Variants in TCF12 observed in about 807,000 individuals in gnomAD.
TCF12 encodes the protein transcription factor 12.
In TCF12, 45 loss-of-function variants were observed where a neutral mutation model predicts 86.0. That is an observed-to-expected ratio of 0.52 (90% confidence interval 0.41 to 0.67). TCF12 has a LOEUF of 0.67. TCF12 is among the 30% of genes least tolerant of loss of function. The pLI, the probability that TCF12 is intolerant of heterozygous loss-of-function variation, is 0.00. For missense variants in TCF12, 881 were observed against 859.9 expected (o/e 1.02, Z -0.31); for synonymous variants, 330 against 299.6 (o/e 1.10, Z -1.05).
intron 3 of TCF12, among the ~76,000 whole-genome samples, chr15:57,014,341 T>C (rs1204325218): frequency 3.9e-5 from 6 of 152,204 alleles, no homozygotes; most frequent in African/African-American, 1.4e-4. Flanking sequence ...TTAGTCAGGA[T>C]ATTTAGTGGG....
chr15:57,275,425 G>A (rs565498811), intron 19 of TCF12, among the ~76,000 whole-genome samples: 57 of 139,770 alleles, frequency 4.1e-4, no homozygotes, highest in Admixed American at 1.2e-3. Flanking sequence ...GGCCTCAAGC[G>A]TCTATAGGCC....
intron 5 of TCF12, among the ~76,000 whole-genome samples, chr15:57,165,624 C>T (rs2054834987): frequency 6.6e-6 from 1 of 151,894 alleles, no homozygotes; most frequent in South Asian, 2.1e-4. Context: ...GCAACCTCCG[C>T]CTCCTGGGTT....
intron 5 of TCF12, among the ~76,000 whole-genome samples, chr15:57,147,457 C>CTT (rs1688337880): frequency 6.6e-6 from 1 of 152,064 alleles, no homozygotes; most frequent in African/African-American, 2.4e-5. Flanking sequence ...TGCTTATCTG[C>CTT]TATAATCTTT....
intron 3 of TCF12, among the ~76,000 whole-genome samples, chr15:57,016,749 C>T (rs1342390978): frequency 2.4e-4 from 36 of 152,020 alleles, no homozygotes. Context: ...TTGTTTTGGA[C>T]TGTCCTTTCA....
rs11853810 is a variant in TCF12, at chr15:57,253,094, A to G, written c.1261-168A>G. On this transcript the variant is annotated intron_variant, in intron 15 of 20. Transcript: ENST00000333725. ...AAAATTTAGCATAATCTACATACAT[A>G]CAGCCTTTTTTTGTTGTTGATTTAT... Among the ~76,000 whole-genome samples the G allele has an allele frequency of 0.28, 42,409 of 151,960 alleles. 7,447 individuals are homozygous for G. Among genetic ancestry groups the G allele is most frequent in the African/African-American group, 0.49 (20,273 of 41,404 alleles).
intron 3 of TCF12, among the ~76,000 whole-genome samples, chr15:56,967,130 C>T (rs1361878593): frequency 2.2e-5 from 3 of 137,530 alleles, no homozygotes; most frequent in African/African-American, 9.3e-5. Flanking sequence ...CCCCCGTGCC[C>T]TTCCCCTCCC....
chr15:57,168,042 T>C (rs1380275046), intron 6 of TCF12, among the ~76,000 whole-genome samples: 1 of 152,170 alleles, frequency 6.6e-6, no homozygotes, highest in Admixed American at 6.5e-5. Flanking sequence ...CTGGGCACTG[T>C]GGTTTATACT....
chr15:57,048,098 T>G (rs2067354070), intron 3 of TCF12, among the ~76,000 whole-genome samples: 1 of 152,238 alleles, frequency 6.6e-6, no homozygotes, highest in African/African-American at 2.4e-5. Flanking sequence ...CATATGAATT[T>G]TCTACCTTTC....
At chr15:57,157,082 C>T (rs2054161848) in intron 5 of TCF12, among the ~76,000 whole-genome samples, 1 of 152,148 alleles carries the variant, frequency 6.6e-6, no homozygotes, top group East Asian at 1.9e-4. Context: ...GTGATTGTTA[C>T]TTGACTTTCT....
At chr15:56,926,467 G>A (rs375831470) in intron 3 of TCF12, among the ~76,000 whole-genome samples, 3 of 152,290 alleles carry the variant, frequency 2.0e-5, no homozygotes. Context: ...CAGGGAACTG[G>A]CTTAAGGAAA....
At chr15:57,223,643 G>GTTTTTTTGTTTTTTTTTTTT (rs2058709304) in intron 8 of TCF12, among the ~76,000 whole-genome samples, 1 of 69,666 alleles carries the variant, frequency 1.4e-5, no homozygotes, top group Admixed American at 1.9e-4. Context: ...TACCAATGAG[G>GTTTTTTTGTTTTTTTTTTTT]TTTTTTTTTT....
Position 57,017,230 on chromosome 15 carries a change from A to G in TCF12, c.149-46520A>G, listed in dbSNP as rs2065204059. Among the ~76,000 whole-genome samples the G allele has an allele frequency of 3.3e-5, 5 of 152,300 alleles. No homozygotes were observed. The South Asian group carries it at 1.0e-3, about 32-fold the overall frequency. On this transcript the variant is annotated intron_variant, in intron 3 of 20. Coordinates refer to ENST00000333725, the MANE Select transcript of TCF12 (RefSeq NM_207037.2). ...TGAGGGCCTCGTAGCCCCATGTAAT[A>G]AAAGATCCATTTGAGAAGTAAATAA...
chr15:57,075,898 C>G (rs771353234), intron 4 of TCF12, among the ~76,000 whole-genome samples: 1 of 142,048 alleles, frequency 7.0e-6, no homozygotes, highest in Non-Finnish European at 1.5e-5. Context: ...GGGTCTTGCT[C>G]TGTTGCCCAG....
At chr15:56,999,070 C>T (rs1373239150) in intron 3 of TCF12, among the ~76,000 whole-genome samples, 5 of 151,708 alleles carry the variant, frequency 3.3e-5, no homozygotes, top group East Asian at 1.9e-4. Flanking sequence ...TGGTGGCGGG[C>T]GCCTGTAGTC....
At chr15:57,107,274 C>T (rs1244039549) in intron 5 of TCF12, among the ~76,000 whole-genome samples, 10 of 140,658 alleles carry the variant, frequency 7.1e-5, no homozygotes, top group African/African-American at 1.7e-4. Flanking sequence ...ATGGAGGAAC[C>T]GTAAGTGCAG....
chr15:57,051,926 A>C (rs1362402037), intron 3 of TCF12, among the ~76,000 whole-genome samples: 1 of 152,194 alleles, frequency 6.6e-6, no homozygotes, highest in Non-Finnish European at 1.5e-5. Flanking sequence ...TCCTTGTCAA[A>C]GAGCAGTTGA....
chr15:56,929,405 G>A (rs1161928715), intron 3 of TCF12, among the ~76,000 whole-genome samples: 1 of 152,108 alleles, frequency 6.6e-6, no homozygotes, highest in African/African-American at 2.4e-5. Context: ...AAACTTTCTT[G>A]TTTCCAGCCA....
intron 3 of TCF12, among the ~76,000 whole-genome samples, chr15:56,972,420 A>G (rs1346091015): frequency 6.6e-6 from 1 of 152,242 alleles, no homozygotes; most frequent in East Asian, 1.9e-4. Context: ...AAACTATGGT[A>G]TAGCCACAAA....
intron 3 of TCF12, among the ~76,000 whole-genome samples, chr15:56,940,598 CCTTCTCCTCCTT>C (rs1442324819): frequency 4.0e-5 from 6 of 149,034 alleles, no homozygotes; most frequent in African/African-American, 1.5e-4. Context: ...TCCTCCTCCT[CCTTCTCCTCCTT>C]CTTCTCCCTC....
Sources: gnomAD v4.1 joint callset for allele counts (sites outside exome capture counted in the v4.1 genomes callset) on GRCh38, gnomAD v4.1.1 for gene constraint, MANE v1.5 for transcripts, NCBI Gene and HGNC (gene_info 2026-07-23, HGNC 2026-07-21) for gene names.